Variants in ZNF804B observed in about 807,000 individuals in gnomAD.
ZNF804B encodes zinc finger protein 804B.
Under a neutral mutation model 101.4 loss-of-function variants are expected in ZNF804B, and 80 were observed. The ratio of observed to expected loss-of-function variants is 0.79; its 90% CI spans 0.66 to 0.95. ZNF804B has a LOEUF of 0.95. ZNF804B is among the 40% of genes least tolerant of loss of function. ZNF804B has a pLI of 0.00. For missense variants in ZNF804B, 1,673 were observed against 1,561.9 expected (o/e 1.07, Z -1.20); for synonymous variants, 622 against 558.8 (o/e 1.11, Z -1.59).
intron 1 of ZNF804B, among the ~76,000 whole-genome samples, chr7:89,142,804 C>A (rs1322037315): frequency 6.6e-6 from 1 of 151,932 alleles, no homozygotes; most frequent in Non-Finnish European, 1.5e-5. Context: ...ACCAGGAATT[C>A]TGGGTTGAGA....
chr7:89,158,762 C>T (rs1791015174), intron 1 of ZNF804B, among the ~76,000 whole-genome samples: 2 of 152,076 alleles, frequency 1.3e-5, no homozygotes, highest in Admixed American at 6.6e-5. Flanking sequence ...CAGGTCTTTG[C>T]ACAAACTTTC....
intron 1 of ZNF804B, among the ~76,000 whole-genome samples, chr7:88,808,486 T>G (rs7776501): frequency 0.38 from 57,935 of 151,582 alleles, 11,463 homozygotes; most frequent in East Asian, 0.51. Flanking sequence ...TCATCTTGTC[T>G]AGGGTAGAGG....
chr7:89,148,073 T>C (rs766075830), intron 1 of ZNF804B, among the ~76,000 whole-genome samples: 2 of 152,026 alleles, frequency 1.3e-5, no homozygotes, highest in Non-Finnish European at 2.9e-5. Flanking sequence ...AGGGACCACC[T>C]ACATAGGCTG....
chr7:89,337,064 T>G lies in ZNF804B; in HGVS notation c.*32T>G, dbSNP rs1320858992. 3 of 1,568,558 alleles carry G rather than the reference T, an allele frequency of 1.9e-6. No individual in the cohort carries two copies. Among genetic ancestry groups the G allele is most frequent in the Admixed American group, 3.7e-5 (2 of 53,398 alleles). On this transcript the variant is annotated 3_prime_UTR_variant, in exon 4 of 4. Coordinates refer to ENST00000333190, the MANE Select transcript of ZNF804B (RefSeq NM_181646.5). ...TTAAAGCCCCTCCTGTGGATAATTTTTTTAATTGTCACTACCTATAAAATC... is the reference window on the plus strand; with the variant it reads ...TTAAAGCCCCTCCTGTGGATAATTTGTTTAATTGTCACTACCTATAAAATC...
intron 1 of ZNF804B, among the ~76,000 whole-genome samples, chr7:88,899,278 C>G (rs1047893654): frequency 2.0e-5 from 3 of 152,010 alleles, no homozygotes; most frequent in Non-Finnish European, 4.4e-5. Context: ...TAAAATAAGC[C>G]AAATAAATGA....
rs545934183 is a variant in ZNF804B at position 89,044,696 on chromosome 7, C to T, written c.109-173459C>T. On this transcript the variant is annotated intron_variant, in intron 1 of 3. Transcript: ENST00000333190. ...TGCAAAGAGACTGGTGACATTTTGC[C>T]CCTTCCCTAGAGATCTGAGGAACTT... Among the ~76,000 whole-genome samples the T allele has an allele frequency of 1.5e-4, 23 of 152,172 alleles. No homozygotes were observed. The South Asian group carries it at 4.6e-3, about 30-fold the overall frequency.
chr7:89,185,313 A>G (rs112616770), intron 1 of ZNF804B, among the ~76,000 whole-genome samples: 70 of 152,294 alleles, frequency 4.6e-4, no homozygotes, highest in African/African-American at 1.7e-3. Flanking sequence ...AGTCTTACGC[A>G]TAGAAGATAC....
chr7:89,103,903 T>G (rs1051075133), intron 1 of ZNF804B, among the ~76,000 whole-genome samples: 5 of 151,932 alleles, frequency 3.3e-5, no homozygotes, highest in African/African-American at 9.7e-5. Flanking sequence ...AGGTGTTTTA[T>G]GTACAGCTAG....
intron 1 of ZNF804B, among the ~76,000 whole-genome samples, chr7:89,048,801 T>C (rs1789153755): frequency 6.6e-6 from 1 of 151,932 alleles, no homozygotes; most frequent in South Asian, 2.1e-4. Flanking sequence ...ATTATTTCCT[T>C]ACTTGGATTG....
intron 1 of ZNF804B, among the ~76,000 whole-genome samples, chr7:88,772,747 TC>T (rs1184699136): frequency 6.6e-6 from 1 of 152,200 alleles, no homozygotes; most frequent in African/African-American, 2.4e-5. Flanking sequence ...AATTTCTTAC[TC>T]CCGTGTTTGG....
intron 1 of ZNF804B, among the ~76,000 whole-genome samples, chr7:88,932,294 G>T (rs1217565646): frequency 1.3e-5 from 2 of 151,658 alleles, no homozygotes; most frequent in Non-Finnish European, 3.0e-5. Flanking sequence ...ACATCAAAAA[G>T]TCTGAAAGAG....
intron 1 of ZNF804B, among the ~76,000 whole-genome samples, chr7:88,871,203 T>C (rs895902462): frequency 1.3e-5 from 2 of 152,154 alleles, no homozygotes; most frequent in Admixed American, 6.6e-5. Context: ...TCATTCTTAC[T>C]GAGGTGATTA....
At position 89,336,800 on chromosome 7, in the gene ZNF804B, C is replaced by T; in HGVS notation, c.3818C>T (p.Ala1273Val). 6.2e-7 allele frequency: 1 copy of T among 1,614,070 alleles called. No homozygotes were observed. Among genetic ancestry groups the T allele is most frequent in the Middle Eastern group, 1.6e-4 (1 of 6,062 alleles). Residue 1273 changes from alanine to valine, a missense_variant, in exon 4 of 4, where the codon GCT becomes GTT. Physicochemically the swap from Ala to Val is moderately conservative, Grantham distance 64. Coordinates refer to ENST00000333190, the MANE Select transcript of ZNF804B (RefSeq NM_181646.5). The stretch of plus-strand genomic sequence containing the variant: ...GGTCATCCCCTGCATTTAGTAGCTG[C>T]TACCCCCTTCCACCCATCTCACATA... ...LAGHPLHLVA[A>V]TPFHPSHITL... is the part of the protein sequence containing the mutation.
Position 88,857,543 on chromosome 7 carries a change from C to A in ZNF804B, c.108+97459C>A, listed in dbSNP as rs151198114. 6.0e-4 allele frequency among the ~76,000 whole-genome samples: 91 copies of A among 152,246 alleles called. No homozygotes were observed. In the East Asian group the frequency reaches 0.014, roughly 23 times the overall value. ...ATGGATAAATTCCTGGACACCTACACCCTCCCAAGAGTAAACCAGGAAGAC... is the reference window on the plus strand; with the variant it reads ...ATGGATAAATTCCTGGACACCTACAACCTCCCAAGAGTAAACCAGGAAGAC... On this transcript the variant is annotated intron_variant, in intron 1 of 3. Transcript: ENST00000333190.
chr7:89,321,093 C>A (rs2115968320), intron 2 of ZNF804B, among the ~76,000 whole-genome samples: 1 of 151,880 alleles, frequency 6.6e-6, no homozygotes, highest in Non-Finnish European at 1.5e-5. Flanking sequence ...TATATGACAC[C>A]AAAACATGAC....
At chr7:88,874,427 T>C (rs1174399594) in intron 1 of ZNF804B, among the ~76,000 whole-genome samples, 1 of 151,906 alleles carries the variant, frequency 6.6e-6, no homozygotes, top group Non-Finnish European at 1.5e-5. Context: ...CAGGGACAAT[T>C]TGACTTCCTC....
intron 1 of ZNF804B, among the ~76,000 whole-genome samples, chr7:88,781,557 G>A (rs1243257928): frequency 2.0e-5 from 3 of 152,156 alleles, no homozygotes; most frequent in Non-Finnish European, 4.4e-5. Context: ...TGGAAAGTGT[G>A]GGCCAGCAGA....
At chr7:88,797,255 T>C (rs1319384810) in intron 1 of ZNF804B, among the ~76,000 whole-genome samples, 1 of 152,134 alleles carries the variant, frequency 6.6e-6, no homozygotes, top group East Asian at 1.9e-4. Context: ...TTAAGGGTTC[T>C]TGATTTACAC....
Position 89,285,757 on chromosome 7 carries a change from G to T in ZNF804B, c.250-41587G>T, listed in dbSNP as rs555987957. ...TACTTTTCTGTGCAAATGCAGTTGGGTTTGTAATCAGGACTTCCCTTATCC... is the reference window on the plus strand; with the variant it reads ...TACTTTTCTGTGCAAATGCAGTTGGTTTTGTAATCAGGACTTCCCTTATCC... On this transcript the variant is annotated intron_variant, in intron 2 of 3. Coordinates refer to ENST00000333190, the MANE Select transcript of ZNF804B (RefSeq NM_181646.5). 1.5e-4 allele frequency among the ~76,000 whole-genome samples: 23 copies of T among 152,096 alleles called. No homozygotes were observed. In the South Asian group the frequency reaches 3.5e-3, roughly 23 times the overall value.
Sources: allele counts gnomAD v4.1 joint callset (sites outside exome capture counted in the v4.1 genomes callset), GRCh38; gene constraint gnomAD v4.1.1; transcripts MANE v1.5; gene names NCBI Gene and HGNC (gene_info 2026-07-23, HGNC 2026-07-21).